The following ZBTB20 variants were observed in gnomAD, a reference collection of about 807,000 sequenced individuals.
ZBTB20 encodes zinc finger and BTB domain containing 20.
ZBTB20 carries 9 observed loss-of-function variants against 56.9 expected under a neutral mutation model. That is an observed-to-expected ratio of 0.16 (90% CI 0.10 to 0.28). The LOEUF is 0.28. ZBTB20 is among the 10% of genes least tolerant of loss of function. The probability of loss-of-function intolerance (pLI) is 1.00; values close to 1 mark genes in which losing one functional copy is unlikely to be tolerated. For synonymous variants in ZBTB20, 417 were observed against 420.7 expected (o/e 0.99, Z 0.11); for missense variants, 655 against 1,003.0 (o/e 0.65, Z 4.69).
chr3:114,778,298 A>AAAG (rs1374485858), intron 5 of ZBTB20, among the ~76,000 whole-genome samples: 1 of 147,370 alleles, frequency 6.8e-6, no homozygotes, highest in African/African-American at 2.5e-5. Context: ...TCAAAAAAAA[A>AAAG]AGATCACACC....
At chr3:114,621,061 G>A (rs529356967) in intron 6 of ZBTB20, among the ~76,000 whole-genome samples, 1 of 152,030 alleles carries the variant, frequency 6.6e-6, no homozygotes, top group Non-Finnish European at 1.5e-5. Context: ...AAAATAAAAT[G>A]AATTCATTAA....
At chr3:114,794,727 C>T (rs1225800492) in intron 5 of ZBTB20, among the ~76,000 whole-genome samples, 1 of 151,950 alleles carries the variant, frequency 6.6e-6, no homozygotes, top group East Asian at 1.9e-4. Context: ...AAACCAATAT[C>T]TCTATTCTGG....
Position 115,090,665 on chromosome 3 carries a change from G to A in ZBTB20, c.-702-19251C>T, listed in dbSNP as rs977077045. 3.8e-4 allele frequency among the ~76,000 whole-genome samples: 57 copies of A among 151,492 alleles called. 1 individual carries two copies. The highest frequency in any genetic ancestry group is 1.4e-3 in the African/African-American group (57 of 41,282). On this transcript the variant is annotated intron_variant, in intron 1 of 11. Transcript: ENST00000675478. ...TTATTATCCATTCCTTCTTTAATTAGAGCAGTAATGCCAATAAATAATATT... is the reference window on the plus strand; with the variant it reads ...TTATTATCCATTCCTTCTTTAATTAAAGCAGTAATGCCAATAAATAATATT...
chr3:114,528,901 T>C (rs2047529381), intron 6 of ZBTB20: 1 of 152,162 alleles, frequency 6.6e-6, no homozygotes, highest in Non-Finnish European at 1.5e-5. Context: ...AAAGCTAACA[T>C]GTCCCTACCA....
In ZBTB20 at chr3:114,670,401, G is replaced by T. The variant is rs140884336; in HGVS notation, c.-295+23127C>A. Among the ~76,000 whole-genome samples the T allele has an allele frequency of 6.4e-3, 980 of 152,174 alleles. 5 individuals are homozygous for T. Among genetic ancestry groups the T allele is most frequent in the South Asian group, 0.026 (125 of 4,824 alleles). Reference sequence around the variant, plus strand: ...AGAATGAAAGCTCAGTAATTTCTGAGTTGGCAATATTTTTCACCCTCCTTT... The same window carrying T: ...AGAATGAAAGCTCAGTAATTTCTGATTTGGCAATATTTTTCACCCTCCTTT... On this transcript the variant is annotated intron_variant, in intron 6 of 11. Transcript: ENST00000675478.
At chr3:114,586,230 A>G (rs1424613603) in intron 6 of ZBTB20, among the ~76,000 whole-genome samples, 1 of 152,182 alleles carries the variant, frequency 6.6e-6, no homozygotes, top group Non-Finnish European at 1.5e-5. Context: ...AGCACTCTTG[A>G]GTTGTTTAGC....
intron 5 of ZBTB20, among the ~76,000 whole-genome samples, chr3:114,715,507 T>C (rs571789248): frequency 1.3e-5 from 2 of 152,176 alleles, no homozygotes; most frequent in Non-Finnish European, 2.9e-5. Context: ...CCCAAGTCTG[T>C]CTCCCACATT....
rs6148023 is a variant in ZBTB20 at position 114,769,552 on chromosome 3, CATATATATATATATATATATATAT to C, written c.-343+31525_-343+31548del. Reference sequence around the variant, plus strand: ...CTTTGTTTTACTGTGTGCCAAAATGCATATATATATATATATATATATATATATATATATATATATATATAATGG... The same window carrying C: ...CTTTGTTTTACTGTGTGCCAAAATGCATATATATATATATATATATAATGG... On this transcript the variant is annotated intron_variant, in intron 5 of 11. Transcript: ENST00000675478. Among the ~76,000 whole-genome samples, 48 of 116,736 alleles carry C rather than the reference CATATATATATATATATATATATAT, an allele frequency of 4.1e-4. 2 individuals are homozygous for C. The highest frequency in any genetic ancestry group is 1.5e-3 in the African/African-American group (33 of 22,256). 76.6% of individuals were successfully genotyped at this position (116,736 alleles called of 152,430 possible).
chr3:114,577,905 G>T (rs1021289933), intron 6 of ZBTB20, among the ~76,000 whole-genome samples: 1 of 152,038 alleles, frequency 6.6e-6, no homozygotes, highest in Non-Finnish European at 1.5e-5. Flanking sequence ...TGAACAAAAC[G>T]AAACAAACAA....
Position 114,866,859 on chromosome 3 carries a change from C to G in ZBTB20, c.-417+33445G>C, listed in dbSNP as rs979068126. ...TAATACGTTGGACTAACGCAATTGG[C>G]TCTCTGGGGTCTCTAGCTTTCTGAC... On this transcript the variant is annotated intron_variant, in intron 4 of 11. Transcript: ENST00000675478. Among the ~76,000 whole-genome samples the G allele has an allele frequency of 2.2e-4, 33 of 152,150 alleles. 1 individual carries two copies.
intron 6 of ZBTB20, among the ~76,000 whole-genome samples, chr3:114,524,769 C>G (rs566285559): frequency 6.6e-6 from 1 of 152,122 alleles, no homozygotes; most frequent in East Asian, 1.9e-4. Flanking sequence ...CTGGAGTGCA[C>G]AGTCATGCCA....
intron 2 of ZBTB20, chr3:115,027,355 GA>G (rs1420542469): frequency 6.6e-6 from 1 of 150,864 alleles, no homozygotes; most frequent in Non-Finnish European, 1.5e-5. Context: ...GTAAAGAAAA[GA>G]AATCAATGCT....
intron 6 of ZBTB20, among the ~76,000 whole-genome samples, chr3:114,677,687 T>C (rs988336358): frequency 2.0e-5 from 3 of 152,292 alleles, no homozygotes; most frequent in Admixed American, 1.3e-4. Flanking sequence ...GAGATGACTG[T>C]ATGTCAGGTA....
chr3:114,838,990 C>T (rs950890755), intron 4 of ZBTB20, among the ~76,000 whole-genome samples: 1 of 152,080 alleles, frequency 6.6e-6, no homozygotes, highest in Non-Finnish European at 1.5e-5. Flanking sequence ...TGTTATCATT[C>T]CTGTTCTATT....
chr3:114,835,541 C>A (rs1204981027), intron 4 of ZBTB20, among the ~76,000 whole-genome samples: 1 of 152,120 alleles, frequency 6.6e-6, no homozygotes, highest in Non-Finnish European at 1.5e-5. Flanking sequence ...ATACAATGAA[C>A]TATACAATAC....
At chr3:114,363,934 GC>G (rs1313682366) in intron 10 of ZBTB20, among the ~76,000 whole-genome samples, 1 of 152,092 alleles carries the variant, frequency 6.6e-6, no homozygotes, top group Non-Finnish European at 1.5e-5. Context: ...TTCTTCCCTT[GC>G]AAAAAGAAAT....
intron 6 of ZBTB20, among the ~76,000 whole-genome samples, chr3:114,507,247 T>C (rs1277329732): frequency 3.9e-5 from 6 of 152,118 alleles, no homozygotes; most frequent in Middle Eastern, 3.2e-3. Context: ...CATCAGCATA[T>C]AATGAAAAAG....
chr3:114,440,221 T>C lies in ZBTB20; in HGVS notation c.-254-51116A>G, dbSNP rs181772005. Among the ~76,000 whole-genome samples the C allele has an allele frequency of 3.7e-3, 569 of 152,276 alleles. 4 individuals carry two copies. Among genetic ancestry groups the C allele is most frequent in the African/African-American group, 0.013 (547 of 41,562 alleles). ...TACGATATATACATTAATATATGTG[T>C]GCACAATCAGCCTTAGCAATACTGC... On this transcript the variant is annotated intron_variant, in intron 7 of 11. Transcript: ENST00000675478.
chr3:114,379,963 T>C (rs1184805280), intron 10 of ZBTB20, among the ~76,000 whole-genome samples: 1 of 152,246 alleles, frequency 6.6e-6, no homozygotes, highest in Non-Finnish European at 1.5e-5. Context: ...TCTGGGTTAG[T>C]GTTATGAAAA....
Sources: gnomAD v4.1 joint callset for allele counts (sites outside exome capture counted in the v4.1 genomes callset) on GRCh38, gnomAD v4.1.1 for gene constraint, MANE v1.5 for transcripts, NCBI Gene and HGNC (gene_info 2026-07-23, HGNC 2026-07-21) for gene names.